Variants in TAOK1 observed in about 807,000 individuals in gnomAD.
The protein encoded by TAOK1 is TAO kinase 1.
Under a neutral mutation model 138.3 loss-of-function variants are expected in TAOK1, and 21 were observed. The observed-to-expected ratio is 0.15, with a 90% confidence interval of 0.11 to 0.22. The LOEUF is 0.22. TAOK1 is among the 10% of genes least tolerant of loss of function. The pLI, the probability that TAOK1 is intolerant of heterozygous loss-of-function variation, is 1.00. For missense variants in TAOK1, 651 were observed against 1,227.7 expected (o/e 0.53, Z 7.02); for synonymous variants, 361 against 398.4 (o/e 0.91, Z 1.12).
At chr17:29,414,692 GACTACAAGCACGCACC>G (rs976771253) in intron 1 of TAOK1, among the ~76,000 whole-genome samples, 15 of 151,806 alleles carry the variant, frequency 9.9e-5, no homozygotes, top group African/African-American at 3.6e-4. Flanking sequence ...AAGTAGTTGG[GACTACAAGCACGCACC>G]ACCATGCCCA....
At chr17:29,499,314 C>T (rs925793319) in intron 12 of TAOK1, among the ~76,000 whole-genome samples, 1 of 150,100 alleles carries the variant, frequency 6.7e-6, no homozygotes, top group African/African-American at 2.5e-5. Context: ...CCACTGCAAC[C>T]TCCACCTCTC....
At chr17:29,488,983 G>T (rs1338875997) in intron 8 of TAOK1, among the ~76,000 whole-genome samples, 1 of 152,108 alleles carries the variant, frequency 6.6e-6, no homozygotes, top group Admixed American at 6.6e-5. Context: ...AATACTCAAA[G>T]CTCATTATTG....
chr17:29,451,676 A>G lies in TAOK1; in HGVS notation c.128A>G (p.Tyr43Cys), dbSNP rs1425728584. The part of the protein sequence containing the change: ...EIGHGSFGAV[Y>C]FARDVRTNEV... ...GGCCATGGAAGCTTTGGAGCAGTGTATTTTGTAAGTGTTAGTGGCTTGATG... is the reference window on the plus strand; with the variant it reads ...GGCCATGGAAGCTTTGGAGCAGTGTGTTTTGTAAGTGTTAGTGGCTTGATG... The change falls in exon 2 of 20, where the codon TAT becomes TGT. Residue 43 changes from tyrosine (Y) to cysteine (C), a missense_variant. Tyr to Cys is a radical substitution (Grantham distance 194). This residue lies in a region of TAOK1 where 116 missense variants were observed against 213.9 expected (regional missense o/e 0.54). Transcript: ENST00000261716. 6.2e-7 allele frequency: 1 copy of G among 1,612,752 alleles called. No individual in the cohort carries two copies.
chr17:29,523,505 A>G (rs981560853), intron 17 of TAOK1, among the ~76,000 whole-genome samples: 1 of 152,138 alleles, frequency 6.6e-6, no homozygotes, highest in African/African-American at 2.4e-5. Context: ...CTCCTGCCTC[A>G]GCCTCCCTAG....
intron 18 of TAOK1, among the ~76,000 whole-genome samples, chr17:29,532,990 A>AC (rs1413504698): frequency 0.29 from 2,162 of 7,400 alleles, 144 homozygotes; most frequent in South Asian, 0.43. Flanking sequence ...CAGGGGGCTG[A>AC]CCCCCCCACC....
rs968727987 is a variant in TAOK1 at position 29,456,778 on chromosome 17, G to A, written c.132+5098G>A. On this transcript the variant is annotated intron_variant, in intron 2 of 19. Coordinates refer to ENST00000261716, the MANE Select transcript of TAOK1 (RefSeq NM_020791.4). The stretch of plus-strand genomic sequence containing the variant: ...AAACGGAGTCTCGCTCTGTCGCCTA[G>A]GCTGGAGTGCAGTGGTGTGATCTCA... 3.3e-5 allele frequency among the ~76,000 whole-genome samples: 5 copies of A among 150,480 alleles called. No homozygotes were observed. In the East Asian group the frequency reaches 9.7e-4, roughly 29 times the overall value.
chr17:29,541,576 G>A (rs1034857700), intron 19 of TAOK1, among the ~76,000 whole-genome samples: 2 of 150,458 alleles, frequency 1.3e-5, no homozygotes, highest in African/African-American at 4.9e-5. Flanking sequence ...AGCAGTTCAA[G>A]ATCAGCCTTG....
intron 19 of TAOK1, among the ~76,000 whole-genome samples, chr17:29,541,937 C>T (rs1199713966): frequency 6.6e-6 from 1 of 151,736 alleles, no homozygotes; most frequent in South Asian, 2.1e-4. Context: ...TGCAGTGGCA[C>T]GATCTCGGCT....
In TAOK1 at chr17:29,485,114, G is replaced by C. The variant is rs1389705659; in HGVS notation, c.655+2826G>C. On this transcript the variant is annotated intron_variant, in intron 8 of 19. Coordinates refer to ENST00000261716, the MANE Select transcript of TAOK1 (RefSeq NM_020791.4). Reference sequence around the variant, plus strand: ...GTGTCACAAAGGTTGAAATTACTTGGTTATGTCTTAATACCAAGAAATCTT... The same window carrying C: ...GTGTCACAAAGGTTGAAATTACTTGCTTATGTCTTAATACCAAGAAATCTT... Among the ~76,000 whole-genome samples, 3 of 152,140 alleles carry C rather than the reference G, an allele frequency of 2.0e-5. No individual in the cohort carries two copies. In the East Asian group the frequency reaches 5.8e-4, roughly 29 times the overall value.
intron 14 of TAOK1, among the ~76,000 whole-genome samples, chr17:29,509,309 A>G (rs1186964235): frequency 6.6e-6 from 1 of 152,018 alleles, no homozygotes; most frequent in African/African-American, 2.4e-5. Flanking sequence ...AGCTGAGACT[A>G]CAGGTGCATC....
intron 1 of TAOK1, among the ~76,000 whole-genome samples, chr17:29,417,272 C>T (rs1905288180): frequency 6.6e-6 from 1 of 152,182 alleles, no homozygotes; most frequent in Non-Finnish European, 1.5e-5. Context: ...GCCTCAGCCT[C>T]CCTAAGTGCT....
At chr17:29,505,474 G>A (rs1410100081) in intron 13 of TAOK1, among the ~76,000 whole-genome samples, 2 of 152,120 alleles carry the variant, frequency 1.3e-5, no homozygotes, top group Admixed American at 1.3e-4. Context: ...GGCCAAGGCA[G>A]GCAGATCACT....
At chr17:29,461,177 GAAA>G (rs149168634) in intron 2 of TAOK1, among the ~76,000 whole-genome samples, 1 of 150,420 alleles carries the variant, frequency 6.6e-6, no homozygotes, top group Non-Finnish European at 1.5e-5. Flanking sequence ...TCCTGGATTA[GAAA>G]AAAAAAGCCT....
intron 12 of TAOK1, 71 bp downstream of exon 12, chr17:29,498,592 G>A (rs567423462): frequency 1.7e-5 from 26 of 1,526,742 alleles, no homozygotes; most frequent in Non-Finnish European, 2.3e-5. Flanking sequence ...TAGTTTAAGA[G>A]AAGGAAGAAG....
Position 29,517,562 on chromosome 17 carries a change from G to A in TAOK1, c.1814G>A (p.Arg605Gln), listed in dbSNP as rs749196938. 8.7e-6 allele frequency: 14 copies of A among 1,613,968 alleles called. No homozygotes were observed. Among genetic ancestry groups the A allele is most frequent in the Non-Finnish European group, 1.1e-5 (13 of 1,180,008 alleles). Residue 605 changes from arginine (R) to glutamine (Q), a missense_variant, in exon 16 of 20, where the codon CGA becomes CAA. Transcript: ENST00000261716. ...FQAEEEANLLRRQRQYLELEC... is the reference protein window; with the variant it reads ...FQAEEEANLLQRQRQYLELEC... ...GCAGAAGAAGAAGCTAACCTTCTTC[G>A]ACGTCAAAGACAATACCTAGAGCTG...
At chr17:29,501,212 C>A (rs2031516792) in intron 12 of TAOK1, among the ~76,000 whole-genome samples, 1 of 138,158 alleles carries the variant, frequency 7.2e-6, no homozygotes, top group African/African-American at 2.7e-5. Flanking sequence ...TAGGGAGACC[C>A]CATCTGTTTA....
chr17:29,456,476 C>T (rs759182828), intron 2 of TAOK1, among the ~76,000 whole-genome samples: 1 of 150,224 alleles, frequency 6.7e-6, no homozygotes, highest in Non-Finnish European at 1.5e-5. Context: ...TTGAGATTTT[C>T]GATTTTCTTG....
chr17:29,529,398 T>C (rs2150771522), intron 17 of TAOK1, among the ~76,000 whole-genome samples: 1 of 152,276 alleles, frequency 6.6e-6, no homozygotes, highest in East Asian at 1.9e-4. Context: ...GGAACCAGCC[T>C]GGGCAACATA....
In TAOK1 at chr17:29,453,875, A is replaced by C. The variant is rs1374500346; in HGVS notation, c.132+2195A>C. On this transcript the variant is annotated intron_variant, in intron 2 of 19. Coordinates refer to ENST00000261716, the MANE Select transcript of TAOK1 (RefSeq NM_020791.4). ...CAGGCTGGAGTGCAGCAGAGTCATC[A>C]TGGCTCACTACGTCCTCAGCCTCCG... 2.0e-5 allele frequency among the ~76,000 whole-genome samples: 3 copies of C among 149,062 alleles called. No homozygotes were observed. The East Asian group carries it at 5.9e-4, about 29-fold the overall frequency.
Sources: allele counts gnomAD v4.1 joint callset (sites outside exome capture counted in the v4.1 genomes callset), GRCh38; gene constraint gnomAD v4.1.1; regional missense constraint gnomAD v4.1.1; transcripts MANE v1.5; gene names NCBI Gene and HGNC (gene_info 2026-07-23, HGNC 2026-07-21).